FAM228B: variants seen among roughly 807,000 people sequenced by gnomAD.
FAM228B encodes family with sequence similarity 228 member B.
In FAM228B, 38 loss-of-function variants were observed where a neutral mutation model predicts 42.6. That is an observed-to-expected ratio of 0.89 (90% CI 0.69 to 1.17). The LOEUF (loss-of-function observed/expected upper bound fraction) is 1.17. FAM228B is among the 50% of genes most tolerant of loss of function. The pLI, the probability that FAM228B is intolerant of heterozygous loss-of-function variation, is 0.00. For missense variants in FAM228B, 344 were observed against 367.3 expected (o/e 0.94, Z 0.52); for synonymous variants, 109 against 122.3 (o/e 0.89, Z 0.72).
At chr2:24,143,785 A>G (rs980886932) in intron 5 of FAM228B, among the ~76,000 whole-genome samples, 2 of 152,190 alleles carry the variant, frequency 1.3e-5, no homozygotes, top group African/African-American at 4.8e-5. Flanking sequence ...AATTTCTAAT[A>G]TAGTAAATAT....
chr2:24,115,469 C>G (rs537885713), intron 3 of FAM228B: 1 of 879,496 alleles, frequency 1.1e-6, no homozygotes, highest in African/African-American at 1.7e-5. Flanking sequence ...TTAATTCATT[C>G]TTCTTTTTTA....
At chr2:24,152,338 G>A (rs1030544414) in intron 7 of FAM228B, among the ~76,000 whole-genome samples, 7 of 152,282 alleles carry the variant, frequency 4.6e-5, no homozygotes, top group African/African-American at 1.7e-4. Context: ...CTAGTGCCTT[G>A]TTCAGTTCAT....
At chr2:24,166,255 G>C (rs1667410507) in intron 9 of FAM228B, among the ~76,000 whole-genome samples, 1 of 151,652 alleles carries the variant, frequency 6.6e-6, no homozygotes, top group Non-Finnish European at 1.5e-5. Flanking sequence ...CAGCCTCTTA[G>C]GAGTGTATTC....
chr2:24,080,694 C>T lies in FAM228B; in HGVS notation c.-289-182C>T. The T allele has an allele frequency of 5.2e-6, 6 of 1,153,226 alleles. No individual in the cohort carries two copies. Among genetic ancestry groups the T allele is most frequent in the Non-Finnish European group, 7.6e-6 (6 of 791,210 alleles). The allele number at this position is 1,153,226 out of a possible 1,614,324, so 71.4% of individuals were successfully genotyped here. On this transcript the variant is annotated intron_variant, in intron 1 of 10. Coordinates refer to the FAM228B transcript ENST00000613899. The surrounding 1 kb of genome is among the most constrained non-coding windows in gnomAD (Gnocchi z 4.7). ...AAATACCATAGTACTAGAATTTGGC[C>T]AGGGCAGCTGTTGTGCACTTAGCAG...
intron 3 of FAM228B, among the ~76,000 whole-genome samples, chr2:24,114,888 G>C (rs954339814): frequency 6.6e-6 from 1 of 152,198 alleles, no homozygotes; most frequent in East Asian, 1.9e-4. Flanking sequence ...TGTGCAGTGA[G>C]AGTTAGGGTT....
At chr2:24,160,323 TGTG>T in intron 7 of FAM228B, among the ~76,000 whole-genome samples, 1 of 152,274 alleles carries the variant, frequency 6.6e-6, no homozygotes, top group East Asian at 1.9e-4. Flanking sequence ...TGGTATATGT[TGTG>T]CTTCCTGGAT....
At chr2:24,148,432 G>A (rs1666946558) in intron 7 of FAM228B, among the ~76,000 whole-genome samples, 1 of 152,166 alleles carries the variant, frequency 6.6e-6, no homozygotes, top group South Asian at 2.1e-4. Flanking sequence ...CTTTCCTGAG[G>A]TTCCTTTTCC....
intron 7 of FAM228B, among the ~76,000 whole-genome samples, chr2:24,158,128 C>A (rs545578705): frequency 6.7e-6 from 1 of 148,390 alleles, no homozygotes; most frequent in Non-Finnish European, 1.5e-5. Flanking sequence ...TCCAACAATA[C>A]CAGGTCTTCC....
intron 5 of FAM228B, among the ~76,000 whole-genome samples, chr2:24,140,207 C>T (rs1416408551): frequency 6.6e-6 from 1 of 152,182 alleles, no homozygotes; most frequent in Non-Finnish European, 1.5e-5. Flanking sequence ...GAGGGAGTCT[C>T]ACTCTGTCAC....
rs1424046567 is a variant in FAM228B, at chr2:24,146,984, C to G, written c.584C>G (p.Ser195Cys). 8.4e-6 allele frequency: 13 copies of G among 1,551,254 alleles called. No individual in the cohort carries two copies. The highest frequency in any genetic ancestry group is 7.8e-6 in the Non-Finnish European group (9 of 1,146,822). The change falls in exon 7 of 11, where the codon TCC (serine) becomes TGC (cysteine). Residue 195 changes from serine to cysteine, a missense_variant. Ser to Cys is a moderately radical substitution (Grantham distance 112). Transcript: ENST00000615575. ...FKEVEKVQLHSRFPQISNSRH... is the reference protein window; with the variant it reads ...FKEVEKVQLHCRFPQISNSRH... ...GAAGTTGAGAAGGTTCAGCTGCATT[C>G]CAGATTCCCACAAATTTCTAATTCA...
upstream of FAM228B, among the ~76,000 whole-genome samples, chr2:24,118,567 C>G (rs1419028175): frequency 1.3e-5 from 2 of 152,096 alleles, no homozygotes; most frequent in African/African-American, 2.4e-5. Flanking sequence ...AAACAAAGAA[C>G]TGTAATGGGG....
At chr2:24,117,042 G>A (rs1665941220) in intron 3 of FAM228B, among the ~76,000 whole-genome samples, 2 of 135,082 alleles carry the variant, frequency 1.5e-5, no homozygotes, top group African/African-American at 2.8e-5. Flanking sequence ...TTGAGACAGA[G>A]TCTCGCTCTG....
intron 3 of FAM228B, among the ~76,000 whole-genome samples, chr2:24,105,096 C>T (rs540256637): frequency 7.9e-5 from 12 of 152,384 alleles, no homozygotes; most frequent in East Asian, 3.9e-4. Flanking sequence ...CCCACCCCCG[C>T]GTCCTGTAGC....
At chr2:24,133,455 T>C (rs1666503690) in intron 2 of FAM228B, among the ~76,000 whole-genome samples, 1 of 152,152 alleles carries the variant, frequency 6.6e-6, no homozygotes, top group African/African-American at 2.4e-5. Flanking sequence ...GAAGGACAGT[T>C]CTTAGATAAT....
chr2:24,106,943 G>A (rs966914167), intron 3 of FAM228B, among the ~76,000 whole-genome samples: 3 of 152,094 alleles, frequency 2.0e-5, no homozygotes, highest in Non-Finnish European at 4.4e-5. Context: ...AACCTTGAAT[G>A]TAAATCAGCT....
intron 3 of FAM228B, among the ~76,000 whole-genome samples, chr2:24,099,117 T>C (rs557965240): frequency 1.7e-4 from 26 of 152,272 alleles, no homozygotes; most frequent in African/African-American, 4.8e-4. Context: ...AAACTAAATA[T>C]TCATGGAGTG....
chr2:24,116,283 C>G (rs931979329), intron 3 of FAM228B, among the ~76,000 whole-genome samples: 8 of 151,662 alleles, frequency 5.3e-5, no homozygotes, highest in African/African-American at 1.5e-4. Context: ...AGCTGACATC[C>G]CACCACAGCA....
chr2:24,167,145 AGCCGAGGCAGGGCC>A (rs1254006739), intron 9 of FAM228B, among the ~76,000 whole-genome samples: 3 of 152,198 alleles, frequency 2.0e-5, no homozygotes, highest in Non-Finnish European at 4.4e-5. Context: ...CTGATGCTGG[AGCCGAGGCAGGGCC>A]GTCAAGGCAG....
intron 3 of FAM228B, chr2:24,096,477 G>A (rs1340663826): frequency 2.0e-5 from 3 of 152,172 alleles, no homozygotes; most frequent in African/African-American, 7.2e-5. Flanking sequence ...CAAGAACTTC[G>A]TGACACATGC....
Sources: allele counts gnomAD v4.1 joint callset (sites outside exome capture counted in the v4.1 genomes callset), GRCh38; gene constraint gnomAD v4.1.1; non-coding constraint Gnocchi (gnomAD v3.1); transcripts MANE v1.5; gene names NCBI Gene and HGNC (gene_info 2026-07-23, HGNC 2026-07-21).